ANK2: variants seen among roughly 807,000 people sequenced by gnomAD.
The protein encoded by ANK2 is ankyrin-2.
In ANK2, 83 loss-of-function variants were observed where a neutral mutation model predicts 360.5. The observed-to-expected ratio is 0.23, with a 90% CI of 0.19 to 0.28. The LOEUF (loss-of-function observed/expected upper bound fraction) is 0.28, where lower values mean the gene tolerates loss of function less well. Ranked by LOEUF, ANK2 falls within the 10% of genes least tolerant of loss-of-function variation. The pLI, the probability that ANK2 is intolerant of heterozygous loss-of-function variation, is 1.00. For missense variants in ANK2, 4,201 were observed against 4,795.7 expected, an observed-to-expected ratio of 0.88 and a Z score of 3.66; for synonymous variants, 1,740 against 1,759.5, an observed-to-expected ratio of 0.99 and a Z score of 0.28.
upstream of ANK2, among the ~76,000 whole-genome samples, chr4:113,047,831 C>T (rs3822280): frequency 0.52 from 78,493 of 151,658 alleles, 21,819 homozygotes; most frequent in Non-Finnish European, 0.62. Flanking sequence ...GAGTTGACTC[C>T]AGATGATGAC....
At chr4:112,881,016 G>C (rs2076560718) in intron 1 of ANK2, among the ~76,000 whole-genome samples, 1 of 152,132 alleles carries the variant, frequency 6.6e-6, no homozygotes, top group South Asian at 2.1e-4. Context: ...AGAAATAACT[G>C]CTTAATATTG....
intron 1 of ANK2, among the ~76,000 whole-genome samples, chr4:113,123,131 T>C (rs1285300025): frequency 3.3e-5 from 5 of 151,980 alleles, no homozygotes; most frequent in African/African-American, 1.2e-4. Flanking sequence ...GAATCTAAAA[T>C]CTTATACACA....
intron 1 of ANK2, among the ~76,000 whole-genome samples, chr4:113,110,742 A>G (rs959416445): frequency 5.3e-5 from 8 of 152,162 alleles, no homozygotes; most frequent in Admixed American, 2.6e-4. Context: ...TTTTATAAGT[A>G]TTCTATATTT....
chr4:113,116,852 A>G (rs1202723468), intron 1 of ANK2: 1 of 175,152 alleles, frequency 5.7e-6, no homozygotes, highest in East Asian at 1.5e-4. Context: ...GTCAGAAGAC[A>G]CAGTCTGTCT....
Position 113,356,175 on chromosome 4 carries a change from T to A in ANK2, c.7557T>A (p.Asp2519Glu). ...LLRDPDGSAE[D>E]DSLEQTSLME... ...GAGACCCTGATGGCAGTGCTGAGGA[T>A]GACAGTCTTGAGCAGACATCGCTCA... Residue 2519 changes from aspartate (D) to glutamate (E), a missense_variant, in exon 38 of 46, where the codon GAT (aspartate) becomes GAA (glutamate). Asp to Glu is a conservative substitution (Grantham distance 45). This residue lies in a region of ANK2 where 2,642 missense variants were observed against 2,714.5 expected (regional missense o/e 0.97). Coordinates refer to ENST00000357077, the MANE Select transcript of ANK2 (RefSeq NM_001148.6). 1 of 1,613,676 alleles carries A rather than the reference T, an allele frequency of 6.2e-7. No individual in the cohort carries two copies. The highest frequency in any genetic ancestry group is 8.5e-7 in the Non-Finnish European group (1 of 1,179,910).
chr4:113,158,052 T>G (rs2097367433), intron 1 of ANK2, among the ~76,000 whole-genome samples: 1 of 152,202 alleles, frequency 6.6e-6, no homozygotes, highest in South Asian at 2.1e-4. Flanking sequence ...AGCCAGAGGG[T>G]ATACACAAAA....
chr4:112,956,313 A>G (rs2095327383), intron 2 of ANK2, among the ~76,000 whole-genome samples: 1 of 152,212 alleles, frequency 6.6e-6, no homozygotes, highest in African/African-American at 2.4e-5. Context: ...TGGATAGAAC[A>G]TTTATAGATC....
chr4:113,258,354 C>T lies in ANK2; in HGVS notation c.1329C>T (p.His443=). The stretch of plus-strand genomic sequence containing the variant: ...TACATGTGGCTGCCTTCATGGGCCA[C>T]TTGAACATTGTCCTCCTTCTGCTGC... ...TPIHVAAFMG[H]LNIVLLLLQN... is the part of the protein sequence containing the mutation. Residue 443 remains histidine, a synonymous_variant, in exon 13 of 46, where the codon CAC becomes CAT. Transcript: ENST00000357077. 6.2e-7 allele frequency: 1 copy of T among 1,614,174 alleles called. No individual in the cohort carries two copies. The highest frequency in any genetic ancestry group is 1.1e-5 in the South Asian group (1 of 91,084).
intron 9 of ANK2, among the ~76,000 whole-genome samples, chr4:113,249,189 G>A (rs2044682115): frequency 6.6e-6 from 1 of 152,198 alleles, no homozygotes; most frequent in African/African-American, 2.4e-5. Context: ...TGAAATATAT[G>A]TGTGAAAATC....
intron 26 of ANK2, among the ~76,000 whole-genome samples, chr4:113,323,557 TA>T (rs1252096262): frequency 1.3e-5 from 2 of 152,160 alleles, no homozygotes; most frequent in African/African-American, 4.8e-5. Context: ...CCAGTGATTT[TA>T]TAATATCCCC....
the ANK2 span, among the ~76,000 whole-genome samples, chr4:112,769,739 T>C: frequency 6.6e-6 from 1 of 152,170 alleles, no homozygotes; most frequent in African/African-American, 2.4e-5. Context: ...GTACAGTAGA[T>C]GGCCCTCCCC....
chr4:112,728,322 A>G, the ANK2 span, among the ~76,000 whole-genome samples: 1 of 138,588 alleles, frequency 7.2e-6, no homozygotes, highest in South Asian at 2.3e-4. Context: ...AAAAAAAAAG[A>G]AAAGAAATAC....
Position 112,826,453 on chromosome 4 carries a change from C to T in ANK2, c.-40+8189C>T. The stretch of plus-strand genomic sequence containing the variant: ...ACTTTTGAAGAATCTTCAGGTGCAG[C>T]TATTTGTCTTCCATCTGTGAAACCT... On this transcript the variant is annotated intron_variant, in intron 1 of 30. Transcript: ENST00000503271. 3.8e-6 allele frequency: 4 copies of T among 1,062,668 alleles called. No individual in the cohort carries two copies. The South Asian group carries it at 5.5e-5, about 15-fold the overall frequency. The allele number at this position is 1,062,668 out of a possible 1,614,324, so 65.8% of individuals were successfully genotyped here.
In ANK2 at chr4:113,214,483, A is replaced by C; in HGVS notation, c.384+15374A>C. On this transcript the variant is annotated intron_variant, in intron 4 of 45. Coordinates refer to ENST00000357077, the MANE Select transcript of ANK2 (RefSeq NM_001148.6). ...AATAAACAATCTGGAAAAATCTACA[A>C]ATCAATTAATAAAATATTTATTACA... 2 of 643,234 alleles carry C rather than the reference A, an allele frequency of 3.1e-6. 1 individual carries two copies. The highest frequency in any genetic ancestry group is 5.5e-6 in the Non-Finnish European group (2 of 363,622). 39.8% of individuals were successfully genotyped at this position (643,234 alleles called of 1,614,324 possible). A position where few individuals can be genotyped will look rare whatever the true frequency, so the allele number is the denominator to read the frequency against.
At chr4:112,731,544 A>G in the ANK2 span, among the ~76,000 whole-genome samples, 1 of 151,992 alleles carries the variant, frequency 6.6e-6, no homozygotes, top group Non-Finnish European at 1.5e-5. Context: ...AGACTGAGCA[A>G]TAAAATAAGA....
intron 9 of ANK2, among the ~76,000 whole-genome samples, chr4:113,244,577 A>C (rs2041844219): frequency 6.6e-6 from 1 of 152,182 alleles, no homozygotes; most frequent in Non-Finnish European, 1.5e-5. Flanking sequence ...TGGTTCCAGC[A>C]CACCCCAGGA....
intron 23 of ANK2, among the ~76,000 whole-genome samples, chr4:113,306,167 A>C (rs1383342822): frequency 6.6e-6 from 1 of 152,244 alleles, no homozygotes. Flanking sequence ...GAAATAATGT[A>C]TATATTAAAA....
chr4:112,833,358 G>A (rs1454616983), intron 1 of ANK2, among the ~76,000 whole-genome samples: 1 of 152,202 alleles, frequency 6.6e-6, no homozygotes, highest in East Asian at 1.9e-4. Flanking sequence ...GAGATGTCAG[G>A]GCAATTTTTG....
rs1051078757 is a variant in ANK2 at position 113,383,376 on chromosome 4, C to A, written c.*1905C>A. 6.6e-6 allele frequency: 1 copy of A among 152,466 alleles called. No individual in the cohort carries two copies. Among genetic ancestry groups the A allele is most frequent in the East Asian group, 1.9e-4 (1 of 5,188 alleles). The allele number at this position is 152,466 out of a possible 1,614,324, so 9.4% of individuals were successfully genotyped here. On this transcript the variant is annotated 3_prime_UTR_variant, in exon 46 of 46. Coordinates refer to ENST00000357077, the MANE Select transcript of ANK2 (RefSeq NM_001148.6). ...CTTTGGCAGCCAAAATAAGAGAGGC[C>A]GATGGTGAAACTTTTTGAGACACCC...
Sources: gnomAD v4.1 joint callset for allele counts (sites outside exome capture counted in the v4.1 genomes callset) on GRCh38, gnomAD v4.1.1 for gene constraint, gnomAD v4.1.1 regional missense constraint, MANE v1.5 for transcripts, NCBI Gene and HGNC (gene_info 2026-07-23, HGNC 2026-07-21) for gene names.